The following ZNF670 variants were observed in gnomAD, a reference collection of about 807,000 sequenced individuals.
ZNF670 encodes the protein zinc finger protein 670.
In ZNF670, 7 loss-of-function variants were observed where a neutral mutation model predicts 10.9. The observed-to-expected ratio is 0.64, with a 90% CI of 0.36 to 1.20. The LOEUF (loss-of-function observed/expected upper bound fraction) is 1.20, where lower values mean the gene tolerates loss of function less well. Ranked by LOEUF, ZNF670 falls within the 50% of genes most tolerant of loss-of-function variation. ZNF670 has a pLI of 0.02. For missense variants in ZNF670, 446 were observed against 458.6 expected (o/e 0.97, Z 0.25); for synonymous variants, 136 against 152.7 (o/e 0.89, Z 0.81).
chr1:247,076,397 C>T (rs538611380), intron 1 of ZNF670, among the ~76,000 whole-genome samples: 45 of 151,938 alleles, frequency 3.0e-4, no homozygotes, highest in African/African-American at 1.1e-3. Flanking sequence ...GCTGGGACTA[C>T]AGGCGCCCGC....
intron 1 of ZNF670, among the ~76,000 whole-genome samples, chr1:247,075,525 G>A (rs60797284): frequency 2.6e-5 from 4 of 152,044 alleles, no homozygotes; most frequent in East Asian, 1.9e-4. Context: ...TGGCAGGAAC[G>A]TGGTGGGAGG....
chr1:247,055,512 C>T (rs1377918420), intron 1 of ZNF670, among the ~76,000 whole-genome samples: 1 of 152,184 alleles, frequency 6.6e-6, no homozygotes, highest in African/African-American at 2.4e-5. Context: ...CTTTCTTCTT[C>T]CACTTATTAA....
intron 1 of ZNF670, among the ~76,000 whole-genome samples, chr1:247,068,829 CA>C (rs35582452): frequency 0.18 from 15,286 of 85,392 alleles, 519 homozygotes; most frequent in South Asian, 0.31. Context: ...ACTATTTTGC[CA>C]AAAAAAAAAA....
intron 1 of ZNF670, among the ~76,000 whole-genome samples, chr1:247,063,582 A>C (rs1341713030): frequency 3.3e-5 from 5 of 150,906 alleles, no homozygotes; most frequent in Non-Finnish European, 5.9e-5. Flanking sequence ...GACACCAAAA[A>C]AAAAAAAAAA....
intron 1 of ZNF670, among the ~76,000 whole-genome samples, chr1:247,042,519 G>C (rs1454981549): frequency 6.6e-6 from 1 of 152,218 alleles, no homozygotes; most frequent in Non-Finnish European, 1.5e-5. Context: ...TGTGTTTTCT[G>C]TTGAGGGTAG....
rs751637139 is a variant in ZNF670, at chr1:247,041,612, G to GTGTA, written c.4-2079_4-2076dup. 1.1e-3 allele frequency among the ~76,000 whole-genome samples: 173 copies of GTGTA among 152,318 alleles called. 1 individual carries two copies. The highest frequency in any genetic ancestry group is 1.8e-3 in the Non-Finnish European group (123 of 68,042). On this transcript the variant is annotated intron_variant, in intron 1 of 3. Coordinates refer to ENST00000366503, the MANE Select transcript of ZNF670 (RefSeq NM_033213.5). The stretch of plus-strand genomic sequence containing the variant: ...TGCTCTAATTTGAACTTACCACAAT[G>GTGTA]TGTAGCCCATTAATTTTTCTAAAAT...
At chr1:247,039,203 C>T (rs890767844) in intron 2 of ZNF670, among the ~76,000 whole-genome samples, 1 of 151,880 alleles carries the variant, frequency 6.6e-6, no homozygotes, top group African/African-American at 2.4e-5. Context: ...GGATTACAGG[C>T]GCCTGCTACC....
rs1428344338 is a variant in ZNF670, at chr1:247,038,428, C to A, written c.192-1G>T. Reference sequence around the variant, plus strand: ...AAACAGTCTCTCTACCACATGACTGCTGTAAAAATGATAAACATCATTAAT... The same window carrying A: ...AAACAGTCTCTCTACCACATGACTGATGTAAAAATGATAAACATCATTAAT... On this transcript the variant is annotated splice_acceptor_variant, in intron 3 of 3. Coordinates refer to ENST00000366503, the MANE Select transcript of ZNF670 (RefSeq NM_033213.5). LOFTEE classifies it high-confidence loss of function. The A allele has an allele frequency of 6.3e-7, 1 of 1,596,482 alleles. No homozygotes were observed. The highest frequency in any genetic ancestry group is 8.5e-7 in the Non-Finnish European group (1 of 1,172,898).
chr1:247,048,347 C>A (rs2103057496), intron 1 of ZNF670, among the ~76,000 whole-genome samples: 1 of 152,254 alleles, frequency 6.6e-6, no homozygotes, highest in East Asian at 1.9e-4. Flanking sequence ...ACCTTTGCTT[C>A]AGTTCCCAAG....
At position 247,072,798 on chromosome 1, in the gene ZNF670, GTGTGTGTA is replaced by G. The variant is rs1282656848; in HGVS notation, c.3+5788_3+5795del. On this transcript the variant is annotated intron_variant, in intron 1 of 3. Transcript: ENST00000366503. ...ACGAAACTCTGTCTCAAAAAAAAAA[GTGTGTGTA>G]TATATATATATATATATATATATAT... 9.4e-4 allele frequency among the ~76,000 whole-genome samples: 18 copies of G among 19,056 alleles called. 1 individual carries two copies. The highest frequency in any genetic ancestry group is 8.0e-3 in the South Asian group (4 of 500). 12.5% of individuals were successfully genotyped at this position (19,056 alleles called of 152,430 possible).
chr1:247,052,298 C>A (rs1670615984), intron 1 of ZNF670, among the ~76,000 whole-genome samples: 1 of 152,056 alleles, frequency 6.6e-6, no homozygotes, highest in Non-Finnish European at 1.5e-5. Context: ...TGATGTGGTG[C>A]CCTCCCCGTT....
At chr1:247,062,974 G>A (rs1379177096) in intron 1 of ZNF670, among the ~76,000 whole-genome samples, 1 of 152,194 alleles carries the variant, frequency 6.6e-6, no homozygotes, top group East Asian at 1.9e-4. Context: ...GGGTGGCTGA[G>A]GATACATCAC....
chr1:247,070,558 T>A (rs1361057270), intron 1 of ZNF670, among the ~76,000 whole-genome samples: 1 of 152,242 alleles, frequency 6.6e-6, no homozygotes, highest in Non-Finnish European at 1.5e-5. Context: ...CATACCATTA[T>A]GGACATAATC....
At chr1:247,048,619 T>C (rs1001412550) in intron 1 of ZNF670, among the ~76,000 whole-genome samples, 1 of 152,194 alleles carries the variant, frequency 6.6e-6, no homozygotes, top group African/African-American at 2.4e-5. Context: ...CATTCTCACA[T>C]TGCTATAAGA....
At chr1:247,064,218 T>C (rs1348557546) in intron 1 of ZNF670, among the ~76,000 whole-genome samples, 2 of 152,230 alleles carry the variant, frequency 1.3e-5, no homozygotes, top group East Asian at 3.9e-4. Context: ...CAAGAGAAGA[T>C]GCAGCAGAGT....
At chr1:247,050,657 G>A (rs1670570882) in intron 1 of ZNF670, among the ~76,000 whole-genome samples, 1 of 151,896 alleles carries the variant, frequency 6.6e-6, no homozygotes, top group Non-Finnish European at 1.5e-5. Flanking sequence ...TGTATTTTTA[G>A]CAGAGATGAG....
At position 247,035,035 on chromosome 1, in the gene ZNF670, C is replaced by T. The variant is rs1443782330; in HGVS notation, c.*2414G>A. 6.6e-6 allele frequency among the ~76,000 whole-genome samples: 1 copy of T among 152,192 alleles called. No homozygotes were observed. The highest frequency in any genetic ancestry group is 2.4e-5 in the African/African-American group (1 of 41,446). On this transcript the variant is annotated 3_prime_UTR_variant, in exon 4 of 4. Coordinates refer to ENST00000366503, the MANE Select transcript of ZNF670 (RefSeq NM_033213.5). ...GAAGAGGTGGCAACAGCTGATAACA[C>T]AAAGCACTGTGTAGACCAAAGTGAA...
chr1:247,073,095 C>T (rs1049465806), intron 1 of ZNF670, among the ~76,000 whole-genome samples: 12 of 152,080 alleles, frequency 7.9e-5, no homozygotes, highest in South Asian at 2.1e-4. Flanking sequence ...TTCACCTGGA[C>T]GGTGAGCCCA....
chr1:247,073,838 G>A (rs1353622558), intron 1 of ZNF670, among the ~76,000 whole-genome samples: 1 of 152,132 alleles, frequency 6.6e-6, no homozygotes, highest in African/African-American at 2.4e-5. Flanking sequence ...ATAAGTCAGA[G>A]GTTCCCATCA....
Sources: gnomAD v4.1 joint callset for allele counts (sites outside exome capture counted in the v4.1 genomes callset) on GRCh38, gnomAD v4.1.1 for gene constraint, MANE v1.5 for transcripts, NCBI Gene and HGNC (gene_info 2026-07-23, HGNC 2026-07-21) for gene names.